CNGA1: variants seen among roughly 807,000 people sequenced by gnomAD.
CNGA1 encodes cyclic nucleotide gated channel subunit alpha 1.
CNGA1 carries 53 observed loss-of-function variants against 69.7 expected under a neutral mutation model. That is an observed-to-expected ratio of 0.76 (90% CI 0.61 to 0.96). The LOEUF is 0.96. CNGA1 is among the 40% of genes least tolerant of loss of function. CNGA1 has a pLI of 0.00. For synonymous variants in CNGA1, 249 were observed against 283.5 expected, an observed-to-expected ratio of 0.88 and a Z score of 1.22; for missense variants, 739 against 811.2, an observed-to-expected ratio of 0.91 and a Z score of 1.08.
At chr4:47,963,800 TA>T (rs1740585944) in intron 3 of CNGA1, among the ~76,000 whole-genome samples, 1 of 152,128 alleles carries the variant, frequency 6.6e-6, no homozygotes, top group Non-Finnish European at 1.5e-5. Context: ...GACTCTTAAG[TA>T]AATTAAAATG....
rs116023117 is a variant in CNGA1, at chr4:48,002,633, C to A, written c.-123+8161G>T. Among the ~76,000 whole-genome samples, 1,036 of 143,366 alleles carry A rather than the reference C, an allele frequency of 7.2e-3. 8 individuals carry two copies. The highest frequency in any genetic ancestry group is 0.025 in the African/African-American group (977 of 38,738). The allele number at this position is 143,366 out of a possible 152,430, so 94.1% of individuals were successfully genotyped here. ...GGGCTGAATTGCTTCTGGGTGGGACCATAGGAGCTGGGTTGGCTGGTCCAG... is the reference window on the plus strand; with the variant it reads ...GGGCTGAATTGCTTCTGGGTGGGACAATAGGAGCTGGGTTGGCTGGTCCAG... On this transcript the variant is annotated intron_variant, in intron 2 of 10. Coordinates refer to ENST00000514170, the MANE Select transcript of CNGA1 (RefSeq NM_001379270.1).
intron 6 of CNGA1, among the ~76,000 whole-genome samples, chr4:47,945,388 G>A (rs562313281): frequency 6.6e-6 from 1 of 152,124 alleles, no homozygotes; most frequent in South Asian, 2.1e-4. Context: ...CGATTTCCCT[G>A]GTCTTTCTCC....
intron 3 of CNGA1, among the ~76,000 whole-genome samples, chr4:47,964,263 A>T (rs1235224889): frequency 6.6e-6 from 1 of 152,186 alleles, no homozygotes; most frequent in Non-Finnish European, 1.5e-5. Flanking sequence ...TTCATTCATC[A>T]TAATACACAG....
At chr4:47,947,040 G>A (rs1475410365) in intron 6 of CNGA1, among the ~76,000 whole-genome samples, 1 of 152,146 alleles carries the variant, frequency 6.6e-6, no homozygotes, top group Non-Finnish European at 1.5e-5. Flanking sequence ...GCCTGCCTCG[G>A]CCTCCCAAAG....
intron 2 of CNGA1, among the ~76,000 whole-genome samples, chr4:47,991,006 TTA>T (rs746160195): frequency 2.0e-5 from 3 of 151,886 alleles, no homozygotes; most frequent in East Asian, 1.9e-4. Flanking sequence ...TAGTATTCCA[TTA>T]TATATATATA....
At chr4:47,971,042 C>A (rs772505138) in intron 3 of CNGA1, 2 of 454,184 alleles carry the variant, frequency 4.4e-6, no homozygotes, top group East Asian at 1.4e-4. Context: ...GAGGTGAAGA[C>A]TGCAGTGAGC....
intron 2 of CNGA1, among the ~76,000 whole-genome samples, chr4:48,003,449 T>C (rs1399497619): frequency 6.6e-6 from 1 of 152,066 alleles, no homozygotes; most frequent in Non-Finnish European, 1.5e-5. Flanking sequence ...TCCTTTCACA[T>C]TTTCCCCCCT....
intron 2 of CNGA1, among the ~76,000 whole-genome samples, chr4:47,981,937 A>C (rs933749313): frequency 6.6e-6 from 1 of 152,182 alleles, no homozygotes; most frequent in African/African-American, 2.4e-5. Context: ...TATTAGTAGG[A>C]TGCACTTCAT....
At chr4:48,013,833 T>C (rs893299161) in intron 1 of CNGA1, among the ~76,000 whole-genome samples, 6 of 152,188 alleles carry the variant, frequency 3.9e-5, no homozygotes, top group Non-Finnish European at 8.8e-5. Flanking sequence ...AGGTGGTTTC[T>C]ACTCCCCAGC....
At chr4:47,986,833 GA>G (rs1215244421) in intron 2 of CNGA1, among the ~76,000 whole-genome samples, 4 of 152,136 alleles carry the variant, frequency 2.6e-5, no homozygotes, top group African/African-American at 7.2e-5. Flanking sequence ...AAAATTTGGG[GA>G]GGAAAGGAAC....
chr4:47,939,665 CAA>C (rs1738946629), intron 10 of CNGA1, among the ~76,000 whole-genome samples: 1 of 152,150 alleles, frequency 6.6e-6, no homozygotes, highest in East Asian at 1.9e-4. Flanking sequence ...CGTTAGTGTC[CAA>C]ATTCAGTTAA....
In CNGA1 at chr4:47,936,964, C is replaced by T; in HGVS notation, c.1518G>A (p.Gly506=). 6.2e-7 allele frequency: 1 copy of T among 1,613,910 alleles called. No homozygotes were observed. ...YSPGDYICKK[G]DIGREMYIIK... is the part of the protein sequence containing the mutation. ...TAATGTACATCTCTCGTCCGATATC[C>T]CCTTTCTTGCAAATATAATCTCCAG... Residue 506 remains glycine, a synonymous_variant, in exon 11 of 11, where the codon GGG becomes GGA. Coordinates refer to ENST00000514170, the MANE Select transcript of CNGA1 (RefSeq NM_001379270.1).
chr4:47,966,983 G>A (rs62298342), intron 3 of CNGA1, among the ~76,000 whole-genome samples: 2,852 of 152,098 alleles, frequency 0.019, 38 homozygotes, highest in Non-Finnish European at 0.028. Context: ...TCCTCAACCC[G>A]ATAAACAGCA....
At chr4:48,016,431 G>A (rs924616316) in intron 1 of CNGA1, 52 bp downstream of exon 1, 3 of 211,576 alleles carry the variant, frequency 1.4e-5, no homozygotes, top group Non-Finnish European at 2.8e-5. Flanking sequence ...CCAGAGAGGA[G>A]CCAGAAGGGG....
chr4:47,961,169 T>C (rs1426297197), intron 3 of CNGA1, among the ~76,000 whole-genome samples: 1 of 152,196 alleles, frequency 6.6e-6, no homozygotes, highest in Non-Finnish European at 1.5e-5. Context: ...TTGCCCAGTT[T>C]CAGGTATTTC....
chr4:47,950,513 A>C (rs1739676326), intron 5 of CNGA1, among the ~76,000 whole-genome samples: 1 of 152,218 alleles, frequency 6.6e-6, no homozygotes, highest in South Asian at 2.1e-4. Flanking sequence ...GTCAATGTTC[A>C]TACCAAGAAT....
intron 6 of CNGA1, among the ~76,000 whole-genome samples, chr4:47,943,687 G>A (rs973178348): frequency 6.6e-6 from 1 of 152,094 alleles, no homozygotes; most frequent in African/African-American, 2.4e-5. Flanking sequence ...AAAAATTTAA[G>A]AAACAACAGC....
Position 47,943,418 on chromosome 4 carries a change from G to A in CNGA1, c.288-6C>T. ...TCTTTTTTTCTTCTGGTTCCCTAAA[G>A]AAAAAAATAATATATCTGTCACATA... is the stretch of plus-strand genomic sequence containing the variant. On this transcript the variant is annotated splice_region_variant and splice_polypyrimidine_tract_variant and intron_variant, in intron 6 of 10. Coordinates refer to ENST00000514170, the MANE Select transcript of CNGA1 (RefSeq NM_001379270.1). The A allele has an allele frequency of 2.8e-6, 4 of 1,428,218 alleles. No individual in the cohort carries two copies. The highest frequency in any genetic ancestry group is 2.9e-5 in the African/African-American group (2 of 68,510). 88.5% of individuals were successfully genotyped at this position (1,428,218 alleles called of 1,614,324 possible). A position where few individuals can be genotyped will look rare whatever the true frequency, so the allele number is the denominator to read the frequency against.
In CNGA1 at chr4:47,937,717, C is replaced by T. The variant is rs769507669; in HGVS notation, c.765G>A (p.Leu255=). The change falls in exon 11 of 11, where the codon CTG becomes CTA. Residue 255 remains leucine, a synonymous_variant. Transcript: ENST00000514170. ...GATAGTTCCACCCTAACTTAAAATA[C>T]AGCAAATCAGTTGGTATCAGTGACA... ...DVLSLIPTDL[L]YFKLGWNYPE... The T allele has an allele frequency of 1.2e-6, 2 of 1,614,040 alleles. No individual in the cohort carries two copies. Among genetic ancestry groups the T allele is most frequent in the African/African-American group, 1.3e-5 (1 of 75,048 alleles).
Sources: allele counts gnomAD v4.1 joint callset (sites outside exome capture counted in the v4.1 genomes callset), GRCh38; gene constraint gnomAD v4.1.1; transcripts MANE v1.5; gene names NCBI Gene and HGNC (gene_info 2026-07-23, HGNC 2026-07-21).